The following ETS1 variants were observed in gnomAD, a reference collection of about 807,000 sequenced individuals.
ETS1 encodes the protein ETS proto-oncogene 1, transcription factor.
A neutral mutation model predicts 58.6 loss-of-function variants in ETS1; 15 were observed. The observed-to-expected ratio is 0.26, with a 90% CI of 0.17 to 0.39. ETS1 has a LOEUF of 0.39. ETS1 is among the 10% of genes least tolerant of loss of function. The pLI is 1.00. For missense variants in ETS1, 417 were observed against 610.5 expected (o/e 0.68, Z 3.34); for synonymous variants, 214 against 218.2 (o/e 0.98, Z 0.17).
At chr11:128,557,659 C>A (rs1250151908) in intron 2 of ETS1, among the ~76,000 whole-genome samples, 1 of 152,094 alleles carries the variant, frequency 6.6e-6, no homozygotes, top group Non-Finnish European at 1.5e-5. Context: ...CCATCCTCAA[C>A]TTTCTTTTTT....
At position 128,464,872 on chromosome 11, in the gene ETS1, G is replaced by A. The variant is rs1395806907; in HGVS notation, c.1124-1245C>T. Among the ~76,000 whole-genome samples the A allele has an allele frequency of 6.6e-6, 1 of 152,178 alleles. No individual in the cohort carries two copies. Among genetic ancestry groups the A allele is most frequent in the Non-Finnish European group, 1.5e-5 (1 of 68,040 alleles). On this transcript the variant is annotated intron_variant, in intron 8 of 9. Coordinates refer to ENST00000392668, the MANE Select transcript of ETS1 (RefSeq NM_001143820.2). The surrounding 1 kb of genome is among the most constrained non-coding windows in gnomAD (Gnocchi z 4.1). ...AAGACATTTTCACATGCATCGTTGT[G>A]CTTGCTCCTAAAATCCACACCCAAC...
At chr11:128,475,518 GA>G (rs1862297036) in intron 8 of ETS1, among the ~76,000 whole-genome samples, 1 of 147,100 alleles carries the variant, frequency 6.8e-6, no homozygotes, top group Admixed American at 6.8e-5. Flanking sequence ...TTTCAGGGCA[GA>G]ATCAACTTGA....
At chr11:128,583,460 A>G (rs1446851698) in intron 1 of ETS1, among the ~76,000 whole-genome samples, 1 of 152,222 alleles carries the variant, frequency 6.6e-6, no homozygotes, top group Non-Finnish European at 1.5e-5. Context: ...TCTCCCATCA[A>G]CAGAAGTCAT....
At chr11:128,465,336 G>C (rs901030500) in intron 8 of ETS1, among the ~76,000 whole-genome samples, 1 of 152,220 alleles carries the variant, frequency 6.6e-6, no homozygotes, top group Non-Finnish European at 1.5e-5. Flanking sequence ...CAACAGCCCA[G>C]AGGGCCGCAC....
intron 8 of ETS1, among the ~76,000 whole-genome samples, chr11:128,477,477 C>T (rs1862353663): frequency 6.6e-6 from 1 of 152,152 alleles, no homozygotes; most frequent in South Asian, 2.1e-4. Context: ...GTGGGTGAGG[C>T]TGTATGGGCA....
chr11:128,582,486 A>G (rs1463162600), intron 1 of ETS1, among the ~76,000 whole-genome samples: 1 of 152,196 alleles, frequency 6.6e-6, no homozygotes, highest in Non-Finnish European at 1.5e-5. Flanking sequence ...AATGTCACTA[A>G]TTAGTAACAC....
chr11:128,511,946 T>C (rs182559403), intron 3 of ETS1, among the ~76,000 whole-genome samples: 1 of 152,218 alleles, frequency 6.6e-6, no homozygotes, highest in African/African-American at 2.4e-5. Context: ...TGAGCTCAAA[T>C]GTGGTGAAGT....
At chr11:128,587,064 A>G (rs1865046520) in intron 1 of ETS1, among the ~76,000 whole-genome samples, 1 of 152,120 alleles carries the variant, frequency 6.6e-6, no homozygotes, top group South Asian at 2.1e-4. Flanking sequence ...TTAAACTACT[A>G]GCAGGAGAAA....
chr11:128,505,992 TG>T (rs1863219429), intron 3 of ETS1, among the ~76,000 whole-genome samples: 1 of 151,798 alleles, frequency 6.6e-6, no homozygotes, highest in South Asian at 2.1e-4. Flanking sequence ...TGGGCTTGAG[TG>T]GTGAGGAAGG....
At chr11:128,512,775 T>C (rs1178732968) in intron 3 of ETS1, among the ~76,000 whole-genome samples, 5 of 152,260 alleles carry the variant, frequency 3.3e-5, no homozygotes, top group Non-Finnish European at 7.3e-5. Context: ...CTGCCGTGGC[T>C]AACAGCAGAT....
At chr11:128,487,940 G>A (rs911111481) in intron 5 of ETS1, among the ~76,000 whole-genome samples, 3 of 152,114 alleles carry the variant, frequency 2.0e-5, no homozygotes, top group African/African-American at 7.2e-5. Context: ...TTTGGAAACA[G>A]GGAGACATGA....
intron 3 of ETS1, among the ~76,000 whole-genome samples, chr11:128,503,002 C>T (rs1429907980): frequency 2.0e-5 from 3 of 152,162 alleles, no homozygotes; most frequent in Admixed American, 6.5e-5. Context: ...AAGAATCCCA[C>T]GTGCAAAGCT....
intron 3 of ETS1, among the ~76,000 whole-genome samples, chr11:128,535,513 G>C (rs953311683): frequency 6.6e-6 from 1 of 152,084 alleles, no homozygotes; most frequent in African/African-American, 2.4e-5. Context: ...TGCCTGAATG[G>C]TATTGCCTAG....
chr11:128,560,301 C>T (rs1036619891), intron 2 of ETS1, among the ~76,000 whole-genome samples: 5 of 152,134 alleles, frequency 3.3e-5, no homozygotes, highest in African/African-American at 9.7e-5. Flanking sequence ...TTAGTAGAGT[C>T]GGGGTTTTAT....
chr11:128,504,304 T>A (rs190742902), intron 3 of ETS1, among the ~76,000 whole-genome samples: 1 of 152,258 alleles, frequency 6.6e-6, no homozygotes, highest in African/African-American at 2.4e-5. Context: ...AGTCCTCTCC[T>A]GGTGTGTTCA....
intron 6 of ETS1, among the ~76,000 whole-genome samples, chr11:128,485,630 T>A (rs1057490404): frequency 3.3e-5 from 5 of 152,188 alleles, no homozygotes; most frequent in Non-Finnish European, 5.9e-5. Context: ...GTATTTCCTA[T>A]AATAGAATTT....
chr11:128,495,109 A>ACCTT (rs1862903321), intron 3 of ETS1, among the ~76,000 whole-genome samples: 2 of 152,212 alleles, frequency 1.3e-5, no homozygotes, highest in African/African-American at 4.8e-5. Flanking sequence ...CTGGAAAGGT[A>ACCTT]TCACAAGGTC....
chr11:128,575,522 C>G (rs570667919), intron 1 of ETS1, among the ~76,000 whole-genome samples: 3 of 152,194 alleles, frequency 2.0e-5, no homozygotes, highest in Non-Finnish European at 4.4e-5. Flanking sequence ...GTGCCAGACA[C>G]GGTCCTGGGC....
At chr11:128,528,777 CAACT>C (rs940583111) in intron 3 of ETS1, among the ~76,000 whole-genome samples, 2 of 152,294 alleles carry the variant, frequency 1.3e-5, no homozygotes, top group African/African-American at 4.8e-5. Flanking sequence ...AAGATCCAAC[CAACT>C]GACTCATTTC....
Sources: allele counts gnomAD v4.1 joint callset (sites outside exome capture counted in the v4.1 genomes callset), GRCh38; gene constraint gnomAD v4.1.1; non-coding constraint Gnocchi (gnomAD v3.1); transcripts MANE v1.5; gene names NCBI Gene and HGNC (gene_info 2026-07-23, HGNC 2026-07-21).